Variants in URI1 observed in about 807,000 individuals in gnomAD.
URI1 encodes unconventional prefoldin RPB5 interactor 1.
Under a neutral mutation model 60.2 loss-of-function variants are expected in URI1, and 39 were observed. The ratio of observed to expected loss-of-function variants is 0.65; its 90% CI spans 0.50 to 0.85. URI1 has a LOEUF of 0.85. Among genes scored for constraint, URI1 ranks in the 40% least tolerant of loss-of-function variants. The pLI, the probability that URI1 is intolerant of heterozygous loss-of-function variation, is 0.00. For missense variants in URI1, 691 were observed against 665.9 expected (o/e 1.04, Z -0.42); for synonymous variants, 251 against 236.8 (o/e 1.06, Z -0.55).
At chr19:29,924,742 G>A (rs569242656) in intron 1 of URI1, among the ~76,000 whole-genome samples, 5 of 152,338 alleles carry the variant, frequency 3.3e-5, no homozygotes, top group East Asian at 1.9e-4. Flanking sequence ...TGTGAGAGCC[G>A]GGGTGGGGCT....
intron 2 of URI1, among the ~76,000 whole-genome samples, chr19:29,974,255 T>A (rs764442139): frequency 6.6e-6 from 1 of 152,064 alleles, no homozygotes; most frequent in Non-Finnish European, 1.5e-5. Context: ...CAATAAGTAT[T>A]AATAGGAACC....
Position 29,985,220 on chromosome 19 carries a change from C to G in URI1, c.153-3C>G. The stretch of plus-strand genomic sequence containing the variant: ...GTGTGTATTTGGTGTTTTCTGTCAA[C>G]AGGAAGAAGGTAGATAATGACTATA... On this transcript the variant is annotated splice_polypyrimidine_tract_variant and splice_region_variant and intron_variant, in intron 2 of 10. Coordinates refer to ENST00000392271, the MANE Select transcript of URI1 (RefSeq NM_003796.3). 1 of 1,442,300 alleles carries G rather than the reference C, an allele frequency of 6.9e-7. No individual in the cohort carries two copies. The highest frequency in any genetic ancestry group is 9.3e-7 in the Non-Finnish European group (1 of 1,072,586). The allele number at this position is 1,442,300 out of a possible 1,614,324, so 89.3% of individuals were successfully genotyped here.
At chr19:29,964,146 T>C (rs1007179285) in intron 1 of URI1, among the ~76,000 whole-genome samples, 2 of 152,186 alleles carry the variant, frequency 1.3e-5, no homozygotes, top group African/African-American at 4.8e-5. Context: ...CTGTGCCTCC[T>C]GTTGTCTGAG....
intron 1 of URI1, among the ~76,000 whole-genome samples, chr19:29,928,748 T>C (rs991641789): frequency 6.6e-6 from 1 of 152,218 alleles, no homozygotes; most frequent in East Asian, 1.9e-4. Flanking sequence ...AAATATTACA[T>C]GGACATACTT....
At chr19:29,967,836 G>A (rs2055408517) in intron 1 of URI1, among the ~76,000 whole-genome samples, 1 of 152,166 alleles carries the variant, frequency 6.6e-6, no homozygotes, top group South Asian at 2.1e-4. Context: ...GTAATATTAA[G>A]TAAGTTACTT....
At chr19:30,014,802 A>C (rs577066447) in intron 10 of URI1, 85 bp from the exon 11 acceptor site, 48 of 1,352,346 alleles carry the variant, frequency 3.5e-5, no homozygotes, top group Non-Finnish European at 4.6e-5. Flanking sequence ...CTTTTAATGA[A>C]AAGAATTGCC....
intron 1 of URI1, among the ~76,000 whole-genome samples, chr19:29,955,063 G>A (rs1365683207): frequency 2.0e-5 from 3 of 151,190 alleles, no homozygotes; most frequent in Non-Finnish European, 2.9e-5. Flanking sequence ...GGAGTGCAGC[G>A]GTGCATTCTC....
chr19:30,008,433 TA>T (rs1360522283), intron 7 of URI1, among the ~76,000 whole-genome samples: 1 of 152,162 alleles, frequency 6.6e-6, no homozygotes, highest in East Asian at 1.9e-4. Flanking sequence ...ATTCTCTTTC[TA>T]TTTTTTGTAT....
intron 1 of URI1, among the ~76,000 whole-genome samples, chr19:29,934,271 A>G (rs1312263302): frequency 1.3e-5 from 2 of 149,890 alleles, no homozygotes; most frequent in African/African-American, 4.9e-5. Flanking sequence ...GTTTTAGTTT[A>G]CTCTTCTTTT....
At chr19:29,980,836 C>A (rs1272076468) in intron 2 of URI1, among the ~76,000 whole-genome samples, 1 of 147,008 alleles carries the variant, frequency 6.8e-6, no homozygotes, top group Non-Finnish European at 1.5e-5. Context: ...GCAGGAGAAT[C>A]GCTTGAACCT....
intron 1 of URI1, among the ~76,000 whole-genome samples, chr19:29,928,771 T>A (rs1333514706): frequency 2.0e-5 from 3 of 152,322 alleles, no homozygotes; most frequent in African/African-American, 4.8e-5. Context: ...ACTAAAAGAT[T>A]ACTTGTTGTT....
At chr19:29,945,182 C>T (rs2055087609) in intron 1 of URI1, among the ~76,000 whole-genome samples, 1 of 152,136 alleles carries the variant, frequency 6.6e-6, no homozygotes, top group Non-Finnish European at 1.5e-5. Flanking sequence ...GGGTACCTAC[C>T]TAGTTGGCTG....
intron 1 of URI1, among the ~76,000 whole-genome samples, chr19:29,961,736 A>G (rs1375922996): frequency 6.9e-6 from 1 of 144,428 alleles, no homozygotes; most frequent in African/African-American, 2.6e-5. Flanking sequence ...CCCAGGCTGG[A>G]GTGCAATGGC....
In URI1 at chr19:29,950,535, C is replaced by T. The variant is rs112262056; in HGVS notation, c.117+7871C>T. 4.2e-3 allele frequency among the ~76,000 whole-genome samples: 644 copies of T among 152,194 alleles called. 8 individuals carry two copies. Among genetic ancestry groups the T allele is most frequent in the African/African-American group, 0.015 (629 of 41,524 alleles). Reference sequence around the variant, plus strand: ...TAGAGTAATCAGTTAGCATTTTGTCCTATTTGCTTTTCTCTTTATATATTC... The same window carrying T: ...TAGAGTAATCAGTTAGCATTTTGTCTTATTTGCTTTTCTCTTTATATATTC... On this transcript the variant is annotated intron_variant, in intron 1 of 10. Coordinates refer to ENST00000392271, the MANE Select transcript of URI1 (RefSeq NM_003796.3).
intron 4 of URI1, among the ~76,000 whole-genome samples, chr19:29,999,288 C>T (rs1254585278): frequency 6.6e-6 from 1 of 152,010 alleles, no homozygotes; most frequent in Non-Finnish European, 1.5e-5. Flanking sequence ...TTTCATATAG[C>T]TTTGAGTTAC....
intron 1 of URI1, among the ~76,000 whole-genome samples, chr19:29,954,992 T>G (rs1159183420): frequency 1.3e-5 from 2 of 152,108 alleles, no homozygotes; most frequent in African/African-American, 2.4e-5. Flanking sequence ...TTCATAGAGA[T>G]ATTCCTCATC....
intron 2 of URI1, chr19:29,983,384 C>T (rs2145365025): frequency 6.6e-6 from 1 of 152,148 alleles, no homozygotes; most frequent in South Asian, 2.1e-4. Flanking sequence ...TGTGAAATTC[C>T]TTAAGATCTT....
chr19:30,013,842 C>G (rs184457209), intron 10 of URI1, among the ~76,000 whole-genome samples: 371 of 152,174 alleles, frequency 2.4e-3, no homozygotes, highest in African/African-American at 7.9e-3. Context: ...CTTTAAGCTG[C>G]TTTTACCAGT....
upstream of URI1, among the ~76,000 whole-genome samples, chr19:29,939,370 G>A (rs1430015400): frequency 2.6e-5 from 4 of 151,648 alleles, no homozygotes; most frequent in Non-Finnish European, 4.4e-5. Context: ...TGCCTCCCAG[G>A]TTCAAGCGAT....
Sources: allele counts gnomAD v4.1 joint callset (sites outside exome capture counted in the v4.1 genomes callset), GRCh38; gene constraint gnomAD v4.1.1; transcripts MANE v1.5; gene names NCBI Gene and HGNC (gene_info 2026-07-23, HGNC 2026-07-21).